The following PDGFRA variants were observed in gnomAD, a reference collection of about 807,000 sequenced individuals.
PDGFRA encodes the protein platelet derived growth factor receptor alpha.
A neutral mutation model predicts 121.5 loss-of-function variants in PDGFRA; 25 were observed. The observed-to-expected ratio is 0.21, with a 90% CI of 0.15 to 0.29. The LOEUF is 0.29. PDGFRA is among the 10% of genes least tolerant of loss of function. PDGFRA has a pLI of 1.00. For missense variants in PDGFRA, 1,008 were observed against 1,345.1 expected (o/e 0.75, Z 3.92); for synonymous variants, 463 against 494.8 (o/e 0.94, Z 0.85).
chr4:54,278,246 AAAAAAAAC>A, intron 14 of PDGFRA, 108 bp from the exon 15 acceptor site: 1 of 557,504 alleles, frequency 1.8e-6, no homozygotes, highest in Non-Finnish European at 3.0e-6. Flanking sequence ...AAAAAAAAAA[AAAAAAAAC>A]TTTTTTGGTA....
intron 1 of PDGFRA, among the ~76,000 whole-genome samples, chr4:54,237,244 A>C (rs571856424): frequency 6.6e-6 from 1 of 152,290 alleles, no homozygotes; most frequent in South Asian, 2.1e-4. Context: ...TGTTGGGATT[A>C]CAGATGTGAG....
At chr4:54,261,005 A>T in intron 2 of PDGFRA, 90 bp from the exon 3 acceptor site, 5 of 1,154,790 alleles carry the variant, frequency 4.3e-6, no homozygotes, top group Non-Finnish European at 6.4e-6. Flanking sequence ...GTCATTGTTC[A>T]TCTAAGCTGC....
chr4:54,283,596 T>C (rs990457306), intron 16 of PDGFRA, among the ~76,000 whole-genome samples: 6 of 152,222 alleles, frequency 3.9e-5, no homozygotes, highest in African/African-American at 1.4e-4. Context: ...CTTAAAGGCC[T>C]TTTTCCCATT....
rs1016286919 is a variant in PDGFRA, at chr4:54,273,411, A to G, written c.1365-126A>G. 6.2e-5 allele frequency: 46 copies of G among 746,206 alleles called. No individual in the cohort carries two copies. The Admixed American group carries it at 6.8e-4, about 11-fold the overall frequency. 46.2% of individuals were successfully genotyped at this position (746,206 alleles called of 1,614,324 possible). A position where few individuals can be genotyped will look rare whatever the true frequency, so the allele number is the denominator to read the frequency against. On this transcript the variant is annotated intron_variant, in intron 9 of 22. Transcript: ENST00000257290. ...TGTTCATCTGCATGTAAAATAAATC[A>G]GTGTGTATTGCCCCGAAATGCAGAC... is the stretch of plus-strand genomic sequence containing the variant.
At chr4:54,234,885 TGA>T (rs1190713003) in intron 1 of PDGFRA, among the ~76,000 whole-genome samples, 1 of 152,134 alleles carries the variant, frequency 6.6e-6, no homozygotes, top group Non-Finnish European at 1.5e-5. Context: ...AAATATATGG[TGA>T]GAGGAGAGCA....
chr4:54,293,691 A>C (rs949076618), intron 22 of PDGFRA, among the ~76,000 whole-genome samples: 2 of 152,082 alleles, frequency 1.3e-5, no homozygotes, highest in Non-Finnish European at 2.9e-5. Context: ...TCGGCCTCCC[A>C]AGATGCTGGG....
intron 17 of PDGFRA, 112 bp from the exon 18 acceptor site, chr4:54,285,729 A>T (rs987988187): frequency 2.1e-5 from 25 of 1,179,628 alleles, no homozygotes; most frequent in Non-Finnish European, 2.5e-5. Context: ...CCAGCCCTTT[A>T]TATCCAGGCA....
intron 16 of PDGFRA, among the ~76,000 whole-genome samples, chr4:54,284,226 T>C (rs1320252240): frequency 6.6e-6 from 1 of 152,182 alleles, no homozygotes; most frequent in African/African-American, 2.4e-5. Flanking sequence ...TCACAAGCAT[T>C]TAACCAGTCT....
At chr4:54,247,393 T>G (rs1184270656) in intron 1 of PDGFRA, among the ~76,000 whole-genome samples, 1 of 152,224 alleles carries the variant, frequency 6.6e-6, no homozygotes, top group African/African-American at 2.4e-5. Context: ...GCTTCATGCC[T>G]GGGATGCAAG....
chr4:54,294,571 G>A (rs1288890865), intron 22 of PDGFRA, among the ~76,000 whole-genome samples: 2 of 151,984 alleles, frequency 1.3e-5, no homozygotes, highest in African/African-American at 4.8e-5. Flanking sequence ...TCTGACTCCA[G>A]AACTCCCCTT....
Position 54,263,774 on chromosome 4 carries a change from G to A in PDGFRA, c.475G>A (p.Val159Ile), listed in dbSNP as rs1722881357. ...PCRTTDPETP[V>I]TLHNSEGVVP... is the part of the protein sequence containing the mutation. ...TCGCACAACTGATCCCGAGACTCCT[G>A]TAACCTTACACAACAGTGAGGGGGT... The change falls in exon 4 of 23, where the codon GTA becomes ATA. Residue 159 changes from valine to isoleucine, a missense_variant. Physicochemically the swap from Val to Ile is conservative, Grantham distance 29. Coordinates refer to ENST00000257290, the MANE Select transcript of PDGFRA (RefSeq NM_006206.6). The A allele has an allele frequency of 2.5e-6, 4 of 1,613,942 alleles. No individual in the cohort carries two copies. Among genetic ancestry groups the A allele is most frequent in the South Asian group, 1.1e-5 (1 of 91,084 alleles).
chr4:54,246,392 C>T (rs1169474877), intron 1 of PDGFRA, among the ~76,000 whole-genome samples: 4 of 152,168 alleles, frequency 2.6e-5, no homozygotes, highest in African/African-American at 4.8e-5. Flanking sequence ...GCAATCAAAC[C>T]AGAACTCAGG....
chr4:54,259,007 T>C (rs1382217803), intron 2 of PDGFRA, among the ~76,000 whole-genome samples, 190 bp downstream of exon 2: 5 of 152,248 alleles, frequency 3.3e-5, no homozygotes, highest in African/African-American at 9.6e-5. Flanking sequence ...ACTTACTCCA[T>C]TTCAAAAGGA....
intron 1 of PDGFRA, among the ~76,000 whole-genome samples, chr4:54,246,310 G>C (rs1027558560): frequency 2.0e-5 from 3 of 152,114 alleles, no homozygotes; most frequent in Non-Finnish European, 4.4e-5. Context: ...TGACCACATA[G>C]TTGGAAGTAA....
At chr4:54,277,873 T>TA in intron 13 of PDGFRA, 23 bp from the exon 14 acceptor site, 1 of 1,487,638 alleles carries the variant, frequency 6.7e-7, no homozygotes, top group Non-Finnish European at 9.4e-7. Context: ...GCTGGACTGA[T>TA]ATGTGATTTA....
chr4:54,265,130 T>G (rs761073838), intron 5 of PDGFRA, 81 bp downstream of exon 5: 7 of 1,321,616 alleles, frequency 5.3e-6, no homozygotes, highest in Non-Finnish European at 7.6e-6. Flanking sequence ...GGTCTGTCAC[T>G]GATGGGCACA....
intron 15 of PDGFRA, among the ~76,000 whole-genome samples, chr4:54,279,137 A>G (rs1249866797): frequency 6.6e-6 from 1 of 152,222 alleles, no homozygotes; most frequent in Admixed American, 6.5e-5. Context: ...TGAAAAACTG[A>G]GAAAGAATAA....
chr4:54,264,660 T>C (rs554034218), intron 4 of PDGFRA: 1 of 406,490 alleles, frequency 2.5e-6, no homozygotes, highest in Non-Finnish European at 4.6e-6. Flanking sequence ...AACCCACTGC[T>C]GAGGAATGCG....
chr4:54,234,276 C>G lies in PDGFRA; in HGVS notation c.-13+4861C>G, dbSNP rs373157536. On this transcript the variant is annotated intron_variant, in intron 1 of 22. Coordinates refer to ENST00000257290, the MANE Select transcript of PDGFRA (RefSeq NM_006206.6). ...TTTTCCTATTTCTGCTTAAACCCCG[C>G]GGGCTTTCAACTGAGGTCACCACGA... 5.7e-4 allele frequency among the ~76,000 whole-genome samples: 87 copies of G among 152,294 alleles called. 1 individual carries two copies. The South Asian group carries it at 9.9e-3, about 17-fold the overall frequency.
Sources: allele counts gnomAD v4.1 joint callset (sites outside exome capture counted in the v4.1 genomes callset), GRCh38; gene constraint gnomAD v4.1.1; transcripts MANE v1.5; gene names NCBI Gene and HGNC (gene_info 2026-07-23, HGNC 2026-07-21).